DNAAF6: variants seen among roughly 807,000 people sequenced by gnomAD.
The protein encoded by DNAAF6 is PIH1 domain containing 3.
In DNAAF6, 3 loss-of-function variants were observed where a neutral mutation model predicts 13.7. The observed-to-expected ratio is 0.22, with a 90% CI of 0.10 to 0.56. DNAAF6 has a LOEUF of 0.56. Among genes scored for constraint, DNAAF6 ranks in the 20% least tolerant of loss-of-function variants. The probability of loss-of-function intolerance (pLI) is 0.92; values close to 1 mark genes in which losing one functional copy is unlikely to be tolerated. For missense variants in DNAAF6, 130 were observed against 151.0 expected, an observed-to-expected ratio of 0.86 and a Z score of 0.73; for synonymous variants, 54 against 49.2, an observed-to-expected ratio of 1.10 and a Z score of -0.41.
intron 1 of DNAAF6, among the ~76,000 whole-genome samples, chrX:107,208,393 A>G (rs1927767456): frequency 9.3e-6 from 1 of 108,061 alleles, no homozygotes; most frequent in African/African-American, 3.3e-5. Flanking sequence ...AGATCGCGCC[A>G]CTGCACTCCA....
chrX:107,216,824 A>G, intron 3 of DNAAF6, 81 bp downstream of exon 3: 6 of 622,262 alleles, frequency 9.6e-6, no homozygotes, highest in Non-Finnish European at 1.4e-5. Flanking sequence ...ATAAGTACTA[A>G]TACTAGTATT....
intron 5 of DNAAF6, among the ~76,000 whole-genome samples, chrX:107,228,202 G>A (rs1928298155): frequency 8.9e-6 from 1 of 111,919 alleles, no homozygotes; most frequent in Admixed American, 9.5e-5. Context: ...AGCAGGATTA[G>A]GATGCAGAAA....
chrX:107,207,854 G>A (rs1927746862), intron 1 of DNAAF6, among the ~76,000 whole-genome samples: 1 of 110,874 alleles, frequency 9.0e-6, no homozygotes, highest in South Asian at 3.9e-4. Context: ...TGGAGATCGA[G>A]GCTGCAGCGA....
At chrX:107,222,593 T>C in intron 4 of DNAAF6, 152 bp from the exon 5 acceptor site, 3 of 568,588 alleles carry the variant, frequency 5.3e-6, no homozygotes, top group Non-Finnish European at 7.5e-6. Context: ...TTCCTTTATG[T>C]TCTATTATAT....
intron 4 of DNAAF6, among the ~76,000 whole-genome samples, chrX:107,219,779 CTGAATACAAA>C (rs1928079518): frequency 9.4e-6 from 1 of 106,161 alleles, no homozygotes; most frequent in African/African-American, 3.6e-5. Context: ...TTTTCTAATA[CTGAATACAAA>C]ACTATCCAGT....
chrX:107,210,532 C>T (rs1230426206), intron 1 of DNAAF6, among the ~76,000 whole-genome samples: 1 of 110,776 alleles, frequency 9.0e-6, no homozygotes, highest in Non-Finnish European at 1.9e-5. Flanking sequence ...AATCATCCTG[C>T]CTCGGGCCCC....
intron 5 of DNAAF6, among the ~76,000 whole-genome samples, chrX:107,228,986 G>A (rs1928317884): frequency 1.8e-5 from 2 of 109,095 alleles, no homozygotes; most frequent in Non-Finnish European, 3.8e-5. Context: ...GCAATAAGAG[G>A]TATAGTCCTC....
rs920223504 is a variant in DNAAF6, at chrX:107,243,535, C to T, written c.*237C>T. 13 of 272,525 alleles carry T rather than the reference C, an allele frequency of 4.8e-5. No individual in the cohort carries two copies. The highest frequency in any genetic ancestry group is 7.1e-5 in the South Asian group (1 of 14,093). The allele number at this position is 272,525 out of a possible 1,213,427, so 22.5% of individuals were successfully genotyped here. The stretch of plus-strand genomic sequence containing the variant: ...CTGTAATCCCAACACTTTGGGAGGC[C>T]GAAGCAGGCGGATCACTTGAGGTCA... On this transcript the variant is annotated 3_prime_UTR_variant, in exon 7 of 7. Transcript: ENST00000372453.
chrX:107,208,829 G>C (rs1451064648), intron 1 of DNAAF6, among the ~76,000 whole-genome samples: 2 of 111,679 alleles, frequency 1.8e-5, no homozygotes, highest in African/African-American at 6.5e-5. Context: ...GCACCACCGC[G>C]CCCAGCCAAA....
chrX:107,239,360 T>A (rs1013056823), intron 6 of DNAAF6, among the ~76,000 whole-genome samples: 1 of 111,935 alleles, frequency 8.9e-6, no homozygotes, highest in African/African-American at 3.2e-5. Flanking sequence ...AGGGAAGCAA[T>A]ATCTTTATAC....
Position 107,228,151 on chromosome X carries a change from C to T in DNAAF6, c.429+5310C>T, listed in dbSNP as rs142590702. ...AGGTAGAGGAACTGAGAAGGATATT[C>T]AGAGATGGGAGGGAAACCATAGTAG... On this transcript the variant is annotated intron_variant, in intron 5 of 6. Coordinates refer to ENST00000372453, the MANE Select transcript of DNAAF6 (RefSeq NM_173494.2). Among the ~76,000 whole-genome samples, 62 of 111,441 alleles carry T rather than the reference C, an allele frequency of 5.6e-4. No individual in the cohort carries two copies. In the East Asian group the frequency reaches 8.2e-3, roughly 15 times the overall value.
intron 6 of DNAAF6, among the ~76,000 whole-genome samples, chrX:107,242,941 G>A (rs1019007328): frequency 2.7e-5 from 3 of 111,158 alleles, no homozygotes; most frequent in African/African-American, 9.8e-5. Flanking sequence ...AGGTCAATTC[G>A]GAGAAAAATA....
chrX:107,238,580 G>A (rs1410243256), intron 5 of DNAAF6, among the ~76,000 whole-genome samples: 2 of 111,699 alleles, frequency 1.8e-5, no homozygotes, highest in Non-Finnish European at 3.8e-5. Flanking sequence ...TATAAAGGCA[G>A]TTGAAGGTCC....
At chrX:107,224,233 C>T (rs1215528780) in intron 5 of DNAAF6, among the ~76,000 whole-genome samples, 1 of 111,584 alleles carries the variant, frequency 9.0e-6, no homozygotes, top group African/African-American at 3.2e-5. Flanking sequence ...AAGAATTAAA[C>T]TCAGTGTAAA....
intron 5 of DNAAF6, among the ~76,000 whole-genome samples, chrX:107,237,754 C>T (rs1814481252): frequency 8.9e-6 from 1 of 112,111 alleles, no homozygotes; most frequent in Non-Finnish European, 1.9e-5. Flanking sequence ...GAGGCTGAGG[C>T]GGGCAGATCA....
chrX:107,216,543 G>C (rs905164061), intron 2 of DNAAF6, 128 bp from the exon 3 acceptor site: 17 of 399,968 alleles, frequency 4.3e-5, no homozygotes, highest in Non-Finnish European at 6.8e-5. Context: ...TTATAACAAT[G>C]ATGGGTAATT....
rs765212797 is a variant in DNAAF6 at position 107,218,381 on chromosome X, A to G, written c.227-483A>G. On this transcript the variant is annotated intron_variant, in intron 3 of 6. Coordinates refer to ENST00000372453, the MANE Select transcript of DNAAF6 (RefSeq NM_173494.2). ...GGAAAAGATATCAAAGCGTTTTTAT[A>G]TAGTAAAAACAATGCAAGATAAGAC... Among the ~76,000 whole-genome samples the G allele has an allele frequency of 2.4e-3, 264 of 112,234 alleles. 1 individual carries two copies. Among genetic ancestry groups the G allele is most frequent in the African/African-American group, 8.2e-3 (253 of 31,009 alleles).
At chrX:107,215,991 C>A (rs1288040017) in intron 2 of DNAAF6, among the ~76,000 whole-genome samples, 1 of 111,443 alleles carries the variant, frequency 9.0e-6, no homozygotes, top group Admixed American at 9.6e-5. Context: ...TGAGTCAGGG[C>A]AAGTCCTTTG....
intron 5 of DNAAF6, among the ~76,000 whole-genome samples, chrX:107,223,687 T>A (rs1279398988): frequency 2.7e-5 from 3 of 111,546 alleles, no homozygotes; most frequent in African/African-American, 9.7e-5. Flanking sequence ...ATGTGTAATA[T>A]TTTTTTCTTA....
Sources: allele counts gnomAD v4.1 joint callset (sites outside exome capture counted in the v4.1 genomes callset), GRCh38; gene constraint gnomAD v4.1.1; transcripts MANE v1.5; gene names NCBI Gene and HGNC (gene_info 2026-07-23, HGNC 2026-07-21).